SUSD4: variants seen among roughly 807,000 people sequenced by gnomAD.
SUSD4 encodes the protein sushi domain containing 4.
In SUSD4, 41 loss-of-function variants were observed where a neutral mutation model predicts 50.5. The observed-to-expected ratio is 0.81, with a 90% confidence interval of 0.63 to 1.05. SUSD4 has a LOEUF of 1.05. Among genes scored for constraint, SUSD4 ranks in the 50% least tolerant of loss-of-function variants. The pLI, the probability that SUSD4 is intolerant of heterozygous loss-of-function variation, is 0.00. For missense variants in SUSD4, 580 were observed against 634.7 expected (o/e 0.91, Z 0.93); for synonymous variants, 257 against 257.3 (o/e 1.00, Z 0.01).
At position 223,343,250 on chromosome 1, in the gene SUSD4, G is replaced by A. The variant is rs1667854247; in HGVS notation, c.148+20028C>T. Among the ~76,000 whole-genome samples the A allele has an allele frequency of 2.6e-5, 4 of 152,040 alleles. No homozygotes were observed. In the South Asian group the frequency reaches 6.2e-4, roughly 24 times the overall value. Reference sequence around the variant, plus strand: ...TCTCCACGCAAAGCTAACTTTTACCGGAAGCCTTCCTTGAGCACCCCGCCC... The same window carrying A: ...TCTCCACGCAAAGCTAACTTTTACCAGAAGCCTTCCTTGAGCACCCCGCCC... On this transcript the variant is annotated intron_variant, in intron 2 of 8. Transcript: ENST00000366878.
In SUSD4 at chr1:223,227,884, T is replaced by C. The variant is rs999523819; in HGVS notation, c.917-146A>G. 1.9e-6 allele frequency: 2 copies of C among 1,029,388 alleles called. No individual in the cohort carries two copies. Among genetic ancestry groups the C allele is most frequent in the Non-Finnish European group, 1.4e-6 (1 of 719,536 alleles). The allele number at this position is 1,029,388 out of a possible 1,614,324, so 63.8% of individuals were successfully genotyped here. ...CCCCCAGGGCTCGGCAGAGATACCA[T>C]GTGCCCCTGTAGCTCATGTAAATTG... On this transcript the variant is annotated intron_variant, in intron 6 of 8. Transcript: ENST00000366878. This position sits in a 1 kb window ranked among gnomAD's most constrained non-coding sequence, Gnocchi z 4.5.
intron 5 of SUSD4, among the ~76,000 whole-genome samples, chr1:223,235,352 T>C (rs372858229): frequency 5.8e-4 from 89 of 152,300 alleles, no homozygotes; most frequent in Admixed American, 1.5e-3. Flanking sequence ...TGAACCTACA[T>C]TGATACATCA....
At chr1:223,355,429 G>C (rs899738082) in intron 2 of SUSD4, among the ~76,000 whole-genome samples, 15 of 152,064 alleles carry the variant, frequency 9.9e-5, no homozygotes, top group Admixed American at 8.5e-4. Flanking sequence ...ATGTTGCCCA[G>C]GCTGGTCTTG....
At chr1:223,301,430 A>T (rs1373474356) in intron 2 of SUSD4, among the ~76,000 whole-genome samples, 1 of 152,212 alleles carries the variant, frequency 6.6e-6, no homozygotes, top group African/African-American at 2.4e-5. Context: ...AACACAACCT[A>T]AGCCAGATAT....
chr1:223,265,987 T>C (rs1224322558), intron 4 of SUSD4, among the ~76,000 whole-genome samples: 4 of 152,226 alleles, frequency 2.6e-5, no homozygotes, highest in African/African-American at 7.2e-5. Context: ...TGTAAGTATC[T>C]TGAAGGGATC....
At position 223,227,591 on chromosome 1, in the gene SUSD4, G is replaced by A. The variant is rs535412925; in HGVS notation, c.1061+3C>T. ...GCCACAGCTGCCAAGACATGACACT[G>A]ACCTGGGGGGAAAGTGGGCCTTGAA... is the stretch of plus-strand genomic sequence containing the variant. On this transcript the variant is annotated splice_donor_region_variant and intron_variant, in intron 7 of 8. Coordinates refer to ENST00000366878, the MANE Select transcript of SUSD4 (RefSeq NM_017982.4). The surrounding 1 kb of genome is among the most constrained non-coding windows in gnomAD (Gnocchi z 4.5). The A allele has an allele frequency of 3.7e-6, 6 of 1,613,580 alleles. No individual in the cohort carries two copies. The highest frequency in any genetic ancestry group is 5.1e-6 in the Non-Finnish European group (6 of 1,179,688).
At chr1:223,222,792 CTG>C (rs1659213257) in intron 8 of SUSD4, among the ~76,000 whole-genome samples, 1 of 152,198 alleles carries the variant, frequency 6.6e-6, no homozygotes, top group Admixed American at 6.5e-5. Flanking sequence ...ACACAGAACT[CTG>C]GGGCTAGAAC....
At chr1:223,314,383 A>G (rs1325392039) in intron 2 of SUSD4, among the ~76,000 whole-genome samples, 2 of 152,058 alleles carry the variant, frequency 1.3e-5, no homozygotes, top group East Asian at 1.9e-4. Flanking sequence ...TAGATCTACA[A>G]CTTGTGTCAC....
At chr1:223,225,663 G>A (rs1036708200) in intron 7 of SUSD4, among the ~76,000 whole-genome samples, 5 of 152,134 alleles carry the variant, frequency 3.3e-5, no homozygotes, top group African/African-American at 1.2e-4. Flanking sequence ...TTCTCACTCA[G>A]GACTCCCTGC....
intron 5 of SUSD4, among the ~76,000 whole-genome samples, chr1:223,258,152 A>G (rs959231961): frequency 6.6e-6 from 1 of 152,172 alleles, no homozygotes; most frequent in East Asian, 1.9e-4. Flanking sequence ...TGAAGGCAGG[A>G]TTCCTGGAGG....
chr1:223,329,225 G>A (rs1024607476), intron 2 of SUSD4, among the ~76,000 whole-genome samples: 7 of 152,160 alleles, frequency 4.6e-5, no homozygotes, highest in African/African-American at 1.7e-4. Context: ...TATCATCATG[G>A]AGAAGGCTGA....
chr1:223,291,762 C>T (rs923390530), intron 3 of SUSD4, among the ~76,000 whole-genome samples: 21 of 152,098 alleles, frequency 1.4e-4, no homozygotes, highest in African/African-American at 4.8e-4. Flanking sequence ...ATATCATCAA[C>T]AATTTGACAT....
intron 3 of SUSD4, among the ~76,000 whole-genome samples, chr1:223,290,378 A>C (rs1192441891): frequency 1.3e-5 from 2 of 152,250 alleles, no homozygotes; most frequent in East Asian, 3.8e-4. Flanking sequence ...GACTTTCTCT[A>C]CTATCAGGGC....
intron 2 of SUSD4, among the ~76,000 whole-genome samples, chr1:223,356,892 C>T (rs531883343): frequency 6.6e-6 from 1 of 152,156 alleles, no homozygotes; most frequent in Non-Finnish European, 1.5e-5. Flanking sequence ...TTAAAGGTGG[C>T]GATACAGCTA....
At chr1:223,302,388 T>C (rs960864077) in intron 2 of SUSD4, among the ~76,000 whole-genome samples, 1 of 152,156 alleles carries the variant, frequency 6.6e-6, no homozygotes, top group African/African-American at 2.4e-5. Flanking sequence ...GTAAGACAAA[T>C]GCCCAGCAAC....
intron 7 of SUSD4, among the ~76,000 whole-genome samples, chr1:223,224,413 T>C (rs1040985866): frequency 1.3e-5 from 2 of 152,104 alleles, no homozygotes; most frequent in African/African-American, 4.8e-5. Flanking sequence ...GGCCCTATGC[T>C]CATCATGTTT....
chr1:223,351,177 A>G (rs1488597709), intron 2 of SUSD4, among the ~76,000 whole-genome samples: 1 of 152,270 alleles, frequency 6.6e-6, no homozygotes, highest in Non-Finnish European at 1.5e-5. Context: ...AAAGCAGTAG[A>G]GCAAGGATTC....
chr1:223,363,524 C>G (rs1669128972), intron 1 of SUSD4, 64 bp from the exon 2 acceptor site: 3 of 1,363,436 alleles, frequency 2.2e-6, no homozygotes, highest in Admixed American at 5.6e-5. Context: ...CACGCTCCCC[C>G]TCCTCCGCTC....
At chr1:223,286,699 C>T (rs1349328636) in intron 3 of SUSD4, among the ~76,000 whole-genome samples, 2 of 152,226 alleles carry the variant, frequency 1.3e-5, no homozygotes, top group African/African-American at 4.8e-5. Flanking sequence ...GCCTCCCTTT[C>T]ATGGATGAGA....
Sources: allele counts gnomAD v4.1 joint callset (sites outside exome capture counted in the v4.1 genomes callset), GRCh38; gene constraint gnomAD v4.1.1; non-coding constraint Gnocchi (gnomAD v3.1); transcripts MANE v1.5; gene names NCBI Gene and HGNC (gene_info 2026-07-23, HGNC 2026-07-21).